The following SUPT5H variants were observed in gnomAD, a reference collection of about 807,000 sequenced individuals.
SUPT5H encodes SPT5 homolog, DSIF elongation factor subunit.
Under a neutral mutation model 142.5 loss-of-function variants are expected in SUPT5H, and 24 were observed. The observed-to-expected ratio is 0.17, with a 90% CI of 0.12 to 0.24. SUPT5H has a LOEUF of 0.24. Among genes scored for constraint, SUPT5H ranks in the 10% least tolerant of loss-of-function variants. The probability of loss-of-function intolerance (pLI) is 1.00; values close to 1 mark genes in which losing one functional copy is unlikely to be tolerated. For missense variants in SUPT5H, 893 were observed against 1,471.8 expected, an observed-to-expected ratio of 0.61 and a Z score of 6.43; for synonymous variants, 546 against 553.0, an observed-to-expected ratio of 0.99 and a Z score of 0.18.
At position 39,453,413 on chromosome 19, in the gene SUPT5H, G is replaced by A. The variant is rs763109965; in HGVS notation, c.133G>A (p.Glu45Lys). 5.6e-6 allele frequency: 9 copies of A among 1,593,010 alleles called. No homozygotes were observed. Among genetic ancestry groups the A allele is most frequent in the Non-Finnish European group, 7.7e-6 (9 of 1,169,454 alleles). ...TGAGAAAGAAGAAGAGCCTGAGGACGAAGAGGAGGAGGAAGAGGAGGAGGA... is the reference window on the plus strand; with the variant it reads ...TGAGAAAGAAGAAGAGCCTGAGGACAAAGAGGAGGAGGAAGAGGAGGAGGA... ...GSEKEEEPEDEEEEEEEEEYD... is the reference protein window; with the variant it reads ...GSEKEEEPEDKEEEEEEEEYD... Residue 45 changes from glutamate (E) to lysine (K), a missense_variant, in exon 3 of 30, where the codon GAA (glutamate) becomes AAA (lysine). Glu to Lys is a moderately conservative substitution (Grantham distance 56, BLOSUM62 1). Coordinates refer to ENST00000432763, the MANE Select transcript of SUPT5H (RefSeq NM_001111020.3).
At chr19:39,456,576 C>T (rs1294601379) in intron 3 of SUPT5H, among the ~76,000 whole-genome samples, 1 of 151,712 alleles carries the variant, frequency 6.6e-6, no homozygotes, top group Admixed American at 6.6e-5. Flanking sequence ...CACCACCATA[C>T]CTGACTAATT....
rs2079337686 is a variant in SUPT5H at position 39,472,652 on chromosome 19, T to C, written c.2036-158T>C. On this transcript the variant is annotated intron_variant, in intron 21 of 29. Coordinates refer to ENST00000432763, the MANE Select transcript of SUPT5H (RefSeq NM_001111020.3). This position sits in a 1 kb window ranked among gnomAD's most constrained non-coding sequence, Gnocchi z 4.2. ...TAGACGCCACAGTGACAGCCCAGAATGGTCAGGGCTTCCATAGGAAAGCCA... is the reference window on the plus strand; with the variant it reads ...TAGACGCCACAGTGACAGCCCAGAACGGTCAGGGCTTCCATAGGAAAGCCA... 6.6e-6 allele frequency among the ~76,000 whole-genome samples: 1 copy of C among 152,076 alleles called. No individual in the cohort carries two copies. The highest frequency in any genetic ancestry group is 1.5e-5 in the Non-Finnish European group (1 of 67,978).
intron 10 of SUPT5H, among the ~76,000 whole-genome samples, chr19:39,462,890 A>C (rs1019813904): frequency 4.8e-5 from 6 of 124,730 alleles, no homozygotes; most frequent in Non-Finnish European, 7.9e-5. Context: ...CCCAGGCTGG[A>C]GTGCAATGAT....
At position 39,453,433 on chromosome 19, in the gene SUPT5H, G is replaced by T. The variant is rs779746190; in HGVS notation, c.153G>T (p.Glu51Asp). 1 of 1,575,550 alleles carries T rather than the reference G, an allele frequency of 6.3e-7. No individual in the cohort carries two copies. The highest frequency in any genetic ancestry group is 8.6e-7 in the Non-Finnish European group (1 of 1,160,090). Reference protein sequence around the residue: ...EPEDEEEEEEEEEYDEEEEEE... With the variant: ...EPEDEEEEEEDEEYDEEEEEE... ...AGGACGAAGAGGAGGAGGAAGAGGA[G>T]GAGGAATACGATGAGGAAGAGGAGG... The change falls in exon 3 of 30, where the codon GAG (glutamate) becomes GAT (aspartate). Residue 51 changes from glutamate to aspartate, a missense_variant. This residue lies in a region of SUPT5H where 70 missense variants were observed against 70.5 expected (regional missense o/e 0.99). Transcript: ENST00000432763.
At chr19:39,467,796 G>GT (rs2079262919) in intron 13 of SUPT5H, 1 of 152,192 alleles carries the variant, frequency 6.6e-6, no homozygotes, top group Non-Finnish European at 1.5e-5. Context: ...AGCCAGTCAG[G>GT]TTTTCCTTCA....
Position 39,458,369 on chromosome 19 carries a change from G to A in SUPT5H, c.319+64G>A, listed in dbSNP as rs1418839218. On this transcript the variant is annotated intron_variant, in intron 5 of 29. Transcript: ENST00000432763. This position sits in a 1 kb window ranked among gnomAD's most constrained non-coding sequence, Gnocchi z 4.2. ...CATATCCTGACATTTCCTCCTTCCT[G>A]AGGCACCTGCCCTCACCGGTAGCCT... 8 of 1,604,654 alleles carry A rather than the reference G, an allele frequency of 5.0e-6. No homozygotes were observed.
chr19:39,466,729 G>T lies in SUPT5H; in HGVS notation c.1021G>T (p.Asp341Tyr). ...KFKRPPQRLF[D>Y]AEKIRSLGGD... is the part of the protein sequence containing the mutation. ...TAAGCGGCCTCCACAGAGGCTGTTT[G>T]ATGCTGAGAAGATCAGGTGCGTGTC... Residue 341 changes from aspartate (D) to tyrosine (Y), a missense_variant, in exon 13 of 30, where the codon GAT becomes TAT. Transcript: ENST00000432763. This position sits in a 1 kb window ranked among gnomAD's most constrained non-coding sequence, Gnocchi z 4.3. The T allele has an allele frequency of 6.2e-7, 1 of 1,614,150 alleles. No homozygotes were observed. Among genetic ancestry groups the T allele is most frequent in the South Asian group, 1.1e-5 (1 of 91,088 alleles).
intron 3 of SUPT5H, 76 bp from the exon 4 acceptor site, chr19:39,457,599 C>T (rs868853214): frequency 2.5e-6 from 4 of 1,574,392 alleles, no homozygotes; most frequent in Non-Finnish European, 2.6e-6. Context: ...GCACATCTCC[C>T]AGAGGAGATG....
Position 39,465,055 on chromosome 19 carries a change from C to T in SUPT5H, c.876+6C>T, listed in dbSNP as rs191973752. 353 of 1,608,914 alleles carry T rather than the reference C, an allele frequency of 2.2e-4. No homozygotes were observed. The highest frequency in any genetic ancestry group is 1.4e-3 in the African/African-American group (102 of 74,998). ...ACAAGGATGACATTGCTCAGGTGCC[C>T]GGGGCGGGGTGGCATGGGGGTCAGG... On this transcript the variant is annotated splice_donor_region_variant and intron_variant, in intron 11 of 29. Transcript: ENST00000432763.
chr19:39,462,662 C>G (rs2079178307), intron 10 of SUPT5H, among the ~76,000 whole-genome samples: 1 of 152,024 alleles, frequency 6.6e-6, no homozygotes, highest in Non-Finnish European at 1.5e-5. Flanking sequence ...TCCCAAGTAG[C>G]TGGGATTACA....
chr19:39,460,453 T>C (rs979597432), intron 10 of SUPT5H, among the ~76,000 whole-genome samples: 1 of 152,180 alleles, frequency 6.6e-6, no homozygotes, highest in Non-Finnish European at 1.5e-5. Flanking sequence ...TTAAGTGGCT[T>C]TTGGCTGGGT....
At chr19:39,456,750 G>A (rs1019126258) in intron 3 of SUPT5H, among the ~76,000 whole-genome samples, 1 of 151,948 alleles carries the variant, frequency 6.6e-6, no homozygotes, top group Non-Finnish European at 1.5e-5. Context: ...GGATTTAGGA[G>A]GTCTCACTAT....
At position 39,464,716 on chromosome 19, in the gene SUPT5H, G is replaced by A. The variant is rs547070019; in HGVS notation, c.625-82G>A. ...TTCTGTGGAATAAATTCCTAGAAGAGGGACTGCTGATGAGTGGCAGTCATT... is the reference window on the plus strand; with the variant it reads ...TTCTGTGGAATAAATTCCTAGAAGAAGGACTGCTGATGAGTGGCAGTCATT... On this transcript the variant is annotated intron_variant, in intron 10 of 29. Transcript: ENST00000432763. 316 of 1,503,224 alleles carry A rather than the reference G, an allele frequency of 2.1e-4. 4 individuals carry two copies. The South Asian group carries it at 3.8e-3, about 18-fold the overall frequency. 93.1% of individuals were successfully genotyped at this position (1,503,224 alleles called of 1,614,324 possible).
At chr19:39,468,470 T>C in intron 13 of SUPT5H, 1 of 486,582 alleles carries the variant, frequency 2.1e-6, no homozygotes, top group Non-Finnish European at 3.7e-6. Flanking sequence ...TCCCTGACCT[T>C]CTGGAGCTGA....
rs1042726766 is a variant in SUPT5H, at chr19:39,458,538, C to T, written c.319+233C>T. On this transcript the variant is annotated intron_variant, in intron 5 of 29. Transcript: ENST00000432763. The surrounding 1 kb of genome is among the most constrained non-coding windows in gnomAD (Gnocchi z 4.2). ...GGGACTGAGCATTTGTGGGTGGTAG[C>T]GATGTGTGGGGTGGGGTGCAGTCCA... 1.5e-5 allele frequency: 13 copies of T among 854,384 alleles called. No homozygotes were observed. Among genetic ancestry groups the T allele is most frequent in the African/African-American group, 1.0e-4 (6 of 59,066 alleles). The allele number at this position is 854,384 out of a possible 1,614,324, so 52.9% of individuals were successfully genotyped here.
At chr19:39,462,661 G>A (rs577940535) in intron 10 of SUPT5H, among the ~76,000 whole-genome samples, 48 of 152,076 alleles carry the variant, frequency 3.2e-4, no homozygotes, top group African/African-American at 9.9e-4. Context: ...CTCCCAAGTA[G>A]CTGGGATTAC....
intron 9 of SUPT5H, 26 bp downstream of exon 9, chr19:39,459,615 G>A (rs1322093041): frequency 2.5e-6 from 4 of 1,613,616 alleles, no homozygotes; most frequent in East Asian, 2.2e-5. Flanking sequence ...TCGGGGCTTG[G>A]AGGAGGTGGG....
At chr19:39,457,557 G>C in intron 3 of SUPT5H, 118 bp from the exon 4 acceptor site, 1 of 1,514,398 alleles carries the variant, frequency 6.6e-7, no homozygotes, top group Non-Finnish European at 8.9e-7. Flanking sequence ...TGGAGCCTCA[G>C]TGTCCTGCTC....
chr19:39,458,252 A>G lies in SUPT5H; in HGVS notation c.308-42A>G. The G allele has an allele frequency of 1.3e-6, 1 of 761,954 alleles. No individual in the cohort carries two copies. Among genetic ancestry groups the G allele is most frequent in the Non-Finnish European group, 2.1e-6 (1 of 481,852 alleles). The allele number at this position is 761,954 out of a possible 1,614,324, so 47.2% of individuals were successfully genotyped here. A position where few individuals can be genotyped will look rare whatever the true frequency, so the allele number is the denominator to read the frequency against. ...CTCGCCCACCACCACCACCACCACC[A>G]CCACCACCACCACCACCACCACCTC... On this transcript the variant is annotated intron_variant, in intron 4 of 29. Coordinates refer to ENST00000432763, the MANE Select transcript of SUPT5H (RefSeq NM_001111020.3). The surrounding 1 kb of genome is among the most constrained non-coding windows in gnomAD (Gnocchi z 4.2).
Sources: gnomAD v4.1 joint callset for allele counts (sites outside exome capture counted in the v4.1 genomes callset) on GRCh38, gnomAD v4.1.1 for gene constraint, gnomAD v4.1.1 regional missense constraint, Gnocchi (gnomAD v3.1) non-coding constraint, MANE v1.5 for transcripts, NCBI Gene and HGNC (gene_info 2026-07-23, HGNC 2026-07-21) for gene names.